Variants in IRS2 observed in about 807,000 individuals in gnomAD.
IRS2 encodes insulin receptor substrate 2.
IRS2 carries 28 observed loss-of-function variants against 70.9 expected under a neutral mutation model. The ratio of observed to expected loss-of-function variants is 0.39; its 90% CI spans 0.29 to 0.54. The LOEUF (loss-of-function observed/expected upper bound fraction) is 0.54. IRS2 is among the 20% of genes least tolerant of loss of function. The probability of loss-of-function intolerance (pLI) is 0.59; values close to 1 mark genes in which losing one functional copy is unlikely to be tolerated. For missense variants in IRS2, 2,081 were observed against 2,024.1 expected (o/e 1.03, Z -0.54); for synonymous variants, 1,217 against 981.9 (o/e 1.24, Z -4.48).
chr13:109,766,945 G>A (rs1877348436), intron 1 of IRS2, among the ~76,000 whole-genome samples: 1 of 152,254 alleles, frequency 6.6e-6, no homozygotes, highest in Admixed American at 6.5e-5. Flanking sequence ...TCTAAGCAGA[G>A]GAAACATACA....
In IRS2 at chr13:109,755,965, G is replaced by T. The variant is rs139324222; in HGVS notation, c.*339C>A. On this transcript the variant is annotated 3_prime_UTR_variant, in exon 2 of 2. Transcript: ENST00000375856. ...TATATCTGCTTTGCCAAAAGGAAAAGAAGAAGAAATTAAAAGACACTGGCC... is the reference window on the plus strand; with the variant it reads ...TATATCTGCTTTGCCAAAAGGAAAATAAGAAGAAATTAAAAGACACTGGCC... 0.021 allele frequency: 8,177 copies of T among 395,664 alleles called. 136 individuals carry two copies. Among genetic ancestry groups the T allele is most frequent in the Non-Finnish European group, 0.026 (5,641 of 214,996 alleles). The allele number at this position is 395,664 out of a possible 1,614,324, so 24.5% of individuals were successfully genotyped here.
chr13:109,782,045 T>C lies in IRS2; in HGVS notation c.4009A>G (p.Lys1337Glu). 1 of 1,612,238 alleles carries C rather than the reference T, an allele frequency of 6.2e-7. No homozygotes were observed. The highest frequency in any genetic ancestry group is 8.5e-7 in the Non-Finnish European group (1 of 1,179,782). Residue 1337 changes from lysine to glutamate, a missense_variant, in exon 1 of 2, where the codon AAA (lysine) becomes GAA (glutamate). Transcript: ENST00000375856. ...SHHLKEATIV[K>E]E ...CCAAGGCAAAGGGCCTCCTCACCTT[T>C]CACGATGGTGGCCTCCTTCAAGTGG...
At chr13:109,777,127 G>C (rs1054419079) in intron 1 of IRS2, among the ~76,000 whole-genome samples, 1 of 152,066 alleles carries the variant, frequency 6.6e-6, no homozygotes, top group African/African-American at 2.4e-5. Flanking sequence ...GGGGCGGGGG[G>C]CACAGCACTT....
At chr13:109,758,675 T>G (rs1347412558) in intron 1 of IRS2, among the ~76,000 whole-genome samples, 1 of 152,146 alleles carries the variant, frequency 6.6e-6, no homozygotes, top group Non-Finnish European at 1.5e-5. Flanking sequence ...AACGTTAATT[T>G]CTAAGCATTA....
rs1877782611 is a variant in IRS2, at chr13:109,783,292, T to C, written c.2762A>G (p.Asn921Ser). 2.0e-6 allele frequency: 3 copies of C among 1,522,158 alleles called. No individual in the cohort carries two copies. In the South Asian group the frequency reaches 3.7e-5, roughly 19 times the overall value. 94.3% of individuals were successfully genotyped at this position (1,522,158 alleles called of 1,614,324 possible). ...GGCCCCGGGCTCGCCAAAGTCGATG[T>C]TGATGTACTCGCCGGGGCTCTTGGG... is the stretch of plus-strand genomic sequence containing the variant. ...PEPKSPGEYI[N>S]IDFGEPGARL... is the part of the protein sequence containing the mutation. Residue 921 changes from asparagine (N) to serine (S), a missense_variant, in exon 1 of 2, where the codon AAC (asparagine) becomes AGC (serine). Transcript: ENST00000375856.
At chr13:109,768,657 G>A (rs1462492203) in intron 1 of IRS2, among the ~76,000 whole-genome samples, 1 of 152,214 alleles carries the variant, frequency 6.6e-6, no homozygotes, top group Non-Finnish European at 1.5e-5. Context: ...CCCGCCTCAA[G>A]GCAGAGTTCG....
intron 1 of IRS2, among the ~76,000 whole-genome samples, chr13:109,774,464 C>G (rs1223582701): frequency 6.6e-6 from 1 of 152,090 alleles, no homozygotes; most frequent in Non-Finnish European, 1.5e-5. Flanking sequence ...TGAATTGATA[C>G]CCAGTGGAAG....
rs931389782 is a variant in IRS2, at chr13:109,784,833, G to A, written c.1221C>T (p.Gly407=). The A allele has an allele frequency of 1.6e-6, 2 of 1,250,016 alleles. No homozygotes were observed. The highest frequency in any genetic ancestry group is 1.6e-5 in the African/African-American group (1 of 63,114). 77.4% of individuals were successfully genotyped at this position (1,250,016 alleles called of 1,614,324 possible). A position where few individuals can be genotyped will look rare whatever the true frequency, so the allele number is the denominator to read the frequency against. ...CCTTGCTCCCGCGGCCGCCGCAGCCGCCGCTCAGGGTGTGCGAGCGGCTCA... is the reference window on the plus strand; with the variant it reads ...CCTTGCTCCCGCGGCCGCCGCAGCCACCGCTCAGGGTGTGCGAGCGGCTCA... ...APLSRSHTLS[G]GCGGRGSKVA... is the part of the protein sequence containing the mutation. Residue 407 remains glycine, a synonymous_variant, in exon 1 of 2, where the codon GGC becomes GGT. Transcript: ENST00000375856. This position sits in a 1 kb window ranked among gnomAD's most constrained non-coding sequence, Gnocchi z 5.2.
chr13:109,777,750 A>C (rs543254479), intron 1 of IRS2, among the ~76,000 whole-genome samples: 5 of 152,216 alleles, frequency 3.3e-5, no homozygotes, highest in Non-Finnish European at 7.3e-5. Flanking sequence ...TAATATAAAA[A>C]CCAGTAATAA....
intron 1 of IRS2, among the ~76,000 whole-genome samples, chr13:109,774,807 C>T (rs149992138): frequency 9.3e-4 from 142 of 152,192 alleles, no homozygotes; most frequent in African/African-American, 3.4e-3. Context: ...AAATGTCTTA[C>T]CACTATAAAG....
In IRS2 at chr13:109,785,086, C is replaced by A; in HGVS notation, c.968G>T (p.Arg323Leu). Residue 323 changes from arginine (R) to leucine (L), a missense_variant, in exon 1 of 2, where the codon CGC becomes CTC. Arg to Leu is a moderately radical substitution (Grantham distance 102). Around this residue, in one of 4 missense-constraint regions of IRS2, gnomAD observed 111 missense variants for 133.1 expected, o/e 0.83. Transcript: ENST00000375856. The surrounding 1 kb of genome is among the most constrained non-coding windows in gnomAD (Gnocchi z 9.3). ...CAGGTTGACCAGGTGGTGGTGGCGG[C>A]GCGCGCCGGGGACGCTGATGGGGTG... is the stretch of plus-strand genomic sequence containing the variant. ...ATHPISVPGA[R>L]RHHHLVNLPP... The A allele has an allele frequency of 1.3e-6, 2 of 1,580,092 alleles. No individual in the cohort carries two copies. Among genetic ancestry groups the A allele is most frequent in the Non-Finnish European group, 8.6e-7 (1 of 1,164,390 alleles).
chr13:109,784,250 G>A lies in IRS2; in HGVS notation c.1804C>T (p.Arg602Trp), dbSNP rs1267707947. 2.5e-6 allele frequency: 4 copies of A among 1,580,658 alleles called. No homozygotes were observed. Among genetic ancestry groups the A allele is most frequent in the Non-Finnish European group, 3.4e-6 (4 of 1,162,010 alleles). Residue 602 changes from arginine (R) to tryptophan (W), a missense_variant, in exon 1 of 2, where the codon CGG becomes TGG. Coordinates refer to ENST00000375856, the MANE Select transcript of IRS2 (RefSeq NM_003749.3). The surrounding 1 kb of genome is among the most constrained non-coding windows in gnomAD (Gnocchi z 5.2). ...CCCGCGCTGCCCGAGAAGGTGGCCC[G>A]CATCAGGGTGTATTCATCCAGCGAG... ...SASLDEYTLM[R>W]ATFSGSAGRL...
rs777966391 is a variant in IRS2 at position 109,785,979 on chromosome 13, G to A, written c.75C>T (p.Asn25=). 4.2e-5 allele frequency: 62 copies of A among 1,484,022 alleles called. No homozygotes were observed. The South Asian group carries it at 7.6e-4, about 18-fold the overall frequency. The allele number at this position is 1,484,022 out of a possible 1,614,324, so 91.9% of individuals were successfully genotyped here. A position where few individuals can be genotyped will look rare whatever the true frequency, so the allele number is the denominator to read the frequency against. The change falls in exon 1 of 2, where the codon AAC becomes AAT. Residue 25 remains asparagine (N), a synonymous_variant. Coordinates refer to ENST00000375856, the MANE Select transcript of IRS2 (RefSeq NM_003749.3). The surrounding 1 kb of genome is among the most constrained non-coding windows in gnomAD (Gnocchi z 9.3). The stretch of plus-strand genomic sequence containing the variant: ...ACTTGCGCACGCTGTGGTTGTTGTT[G>A]TTGTTGTTGTTGTTGAGGTTGGGGC... The part of the protein sequence containing the change: ...GDGPNLNNNN[N]NNNHSVRKCG...
chr13:109,776,086 T>C (rs1321206302), intron 1 of IRS2, among the ~76,000 whole-genome samples: 2 of 150,304 alleles, frequency 1.3e-5, no homozygotes, highest in Non-Finnish European at 3.0e-5. Flanking sequence ...GAGGTGGACG[T>C]TGCAGTGAGC....
Position 109,785,644 on chromosome 13 carries a change from C to T in IRS2, c.410G>A (p.Arg137His), listed in dbSNP as rs1352577583. 2 of 1,555,776 alleles carry T rather than the reference C, an allele frequency of 1.3e-6. No individual in the cohort carries two copies. The highest frequency in any genetic ancestry group is 1.7e-6 in the Non-Finnish European group (2 of 1,155,922). Residue 137 changes from arginine (R) to histidine (H), a missense_variant, in exon 1 of 2, where the codon CGC (arginine) becomes CAC (histidine). Coordinates refer to ENST00000375856, the MANE Select transcript of IRS2 (RefSeq NM_003749.3). The surrounding 1 kb of genome is among the most constrained non-coding windows in gnomAD (Gnocchi z 9.3). ...CTCGCTGACCAGGTCGGTGAGCGCG[C>T]GGTACCAGCCCTCCTGCTCCTGCTC... ...ENEQEQEGWY[R>H]ALTDLVSEGR...
In IRS2 at chr13:109,782,924, G is replaced by T; in HGVS notation, c.3130C>A (p.Leu1044Met). 1 of 1,540,190 alleles carries T rather than the reference G, an allele frequency of 6.5e-7. No homozygotes were observed. The highest frequency in any genetic ancestry group is 8.8e-7 in the Non-Finnish European group (1 of 1,142,384). ...GTGGCAACGGCCGAGGCGGGGGGCA[G>T]GCGGTACAGCTCCCCCGGGGCCGGC... ...PPPAPGELYR[L>M]PPASAVATAQ... Residue 1044 changes from leucine (L) to methionine (M), a missense_variant, in exon 1 of 2, where the codon CTG becomes ATG. Transcript: ENST00000375856.
At chr13:109,768,077 C>A (rs886438313) in intron 1 of IRS2, among the ~76,000 whole-genome samples, 2 of 152,092 alleles carry the variant, frequency 1.3e-5, no homozygotes, top group African/African-American at 4.8e-5. Flanking sequence ...TTGTAATATT[C>A]AATATATATG....
intron 1 of IRS2, among the ~76,000 whole-genome samples, chr13:109,774,478 A>C (rs937976337): frequency 2.0e-5 from 3 of 152,184 alleles, no homozygotes; most frequent in Non-Finnish European, 4.4e-5. Context: ...GTGGAAGAAA[A>C]AGGGGGAGAT....
chr13:109,782,947 G>C lies in IRS2; in HGVS notation c.3107C>G (p.Pro1036Arg), dbSNP rs1425650470. The change falls in exon 1 of 2, where the codon CCG (proline) becomes CGG (arginine). Residue 1036 changes from proline to arginine, a missense_variant. Transcript: ENST00000375856. ...CAGGCGGTACAGCTCCCCCGGGGCC[G>C]GCGGCGGTGGCGGCGGCTGCAGAGA... is the stretch of plus-strand genomic sequence containing the variant. ...SSSLQPPPPP[P>R]APGELYRLPP... is the part of the protein sequence containing the mutation. The C allele has an allele frequency of 7.0e-7, 1 of 1,433,176 alleles. No homozygotes were observed. Among genetic ancestry groups the C allele is most frequent in the South Asian group, 1.5e-5 (1 of 65,206 alleles). 88.8% of individuals were successfully genotyped at this position (1,433,176 alleles called of 1,614,324 possible).
Sources: allele counts gnomAD v4.1 joint callset (sites outside exome capture counted in the v4.1 genomes callset), GRCh38; gene constraint gnomAD v4.1.1; regional missense constraint gnomAD v4.1.1; non-coding constraint Gnocchi (gnomAD v3.1); transcripts MANE v1.5; gene names NCBI Gene and HGNC (gene_info 2026-07-23, HGNC 2026-07-21).